Variants in CNTN4 observed in about 807,000 individuals in gnomAD.
CNTN4 encodes the protein contactin-4.
Under a neutral mutation model 122.5 loss-of-function variants are expected in CNTN4, and 77 were observed. That is an observed-to-expected ratio of 0.63 (90% CI 0.52 to 0.76). The LOEUF is 0.76. Ranked by LOEUF, CNTN4 falls within the 30% of genes least tolerant of loss-of-function variation. The pLI is 0.00. For missense variants in CNTN4, 1,256 were observed against 1,259.1 expected (o/e 1.00, Z 0.04); for synonymous variants, 512 against 447.0 (o/e 1.15, Z -1.83).
chr3:2,102,345 A>G (rs1373273125), intron 2 of CNTN4, among the ~76,000 whole-genome samples: 3 of 152,274 alleles, frequency 2.0e-5, no homozygotes, highest in Non-Finnish European at 4.4e-5. Context: ...TGTGAGCCTT[A>G]GTTTCTTTAG....
At chr3:2,179,766 C>A (rs905895693) in intron 2 of CNTN4, among the ~76,000 whole-genome samples, 1 of 151,866 alleles carries the variant, frequency 6.6e-6, no homozygotes, top group Non-Finnish European at 1.5e-5. Flanking sequence ...AAGAGCAACT[C>A]TATATACTAG....
chr3:2,998,913 A>G (rs1300253386), intron 14 of CNTN4: 1 of 152,238 alleles, frequency 6.6e-6, no homozygotes, highest in African/African-American at 2.4e-5. Context: ...GAGACATTAG[A>G]ATGAAAAGTA....
chr3:2,988,644 A>G (rs1694799451), intron 14 of CNTN4, 172 bp downstream of exon 14: 2 of 692,990 alleles, frequency 2.9e-6, no homozygotes, highest in Non-Finnish European at 5.0e-6. Context: ...AACTGCTGGT[A>G]ATGAATATGA....
chr3:2,482,976 T>C (rs1013714911), intron 3 of CNTN4, among the ~76,000 whole-genome samples: 2 of 152,104 alleles, frequency 1.3e-5, no homozygotes, highest in African/African-American at 4.8e-5. Context: ...CTAGTGGAGC[T>C]ATGAGAAGAA....
intron 8 of CNTN4, among the ~76,000 whole-genome samples, chr3:2,878,676 TA>T (rs2093874138): frequency 6.6e-6 from 1 of 151,970 alleles, no homozygotes; most frequent in Non-Finnish European, 1.5e-5. Context: ...AGTTTATATG[TA>T]AAATGTTTTA....
At chr3:2,200,049 A>C (rs1443387827) in intron 2 of CNTN4, among the ~76,000 whole-genome samples, 3 of 152,192 alleles carry the variant, frequency 2.0e-5, no homozygotes, top group Non-Finnish European at 2.9e-5. Context: ...TTTAAGCTGC[A>C]CAAGGTTATG....
intron 2 of CNTN4, among the ~76,000 whole-genome samples, chr3:2,197,801 A>AG (rs2037916456): frequency 6.6e-6 from 1 of 152,152 alleles, no homozygotes; most frequent in Non-Finnish European, 1.5e-5. Flanking sequence ...GGATCACTTG[A>AG]GGTCAGGAGT....
At chr3:2,584,194 A>G (rs1301390829) in intron 4 of CNTN4, among the ~76,000 whole-genome samples, 12 of 152,190 alleles carry the variant, frequency 7.9e-5, no homozygotes, top group Non-Finnish European at 1.6e-4. Flanking sequence ...CTGAGCTCCA[A>G]TGCAAGTAAA....
At chr3:2,825,698 C>A (rs1174432938) in intron 7 of CNTN4, among the ~76,000 whole-genome samples, 3 of 152,066 alleles carry the variant, frequency 2.0e-5, no homozygotes, top group African/African-American at 7.2e-5. Context: ...TAAAAGCAAA[C>A]AAACAGACAA....
intron 2 of CNTN4, among the ~76,000 whole-genome samples, chr3:2,142,620 G>A (rs1371030413): frequency 6.6e-6 from 1 of 152,184 alleles, no homozygotes; most frequent in Non-Finnish European, 1.5e-5. Flanking sequence ...TGGGATTAGA[G>A]GCGCAAGCCA....
At chr3:2,772,669 G>C (rs1576733039) in intron 6 of CNTN4, among the ~76,000 whole-genome samples, 1 of 152,178 alleles carries the variant, frequency 6.6e-6, no homozygotes, top group East Asian at 1.9e-4. Flanking sequence ...AGGAAAACTA[G>C]AATGTAAAGT....
rs142399788 is a variant in CNTN4, at chr3:2,818,372, T to C, written c.359-1114T>C. Among the ~76,000 whole-genome samples the C allele has an allele frequency of 3.7e-4, 57 of 152,298 alleles. No homozygotes were observed. The East Asian group carries it at 8.5e-3, about 23-fold the overall frequency. On this transcript the variant is annotated intron_variant, in intron 6 of 24. Coordinates refer to ENST00000418658, the MANE Select transcript of CNTN4 (RefSeq NM_175607.3). ...TTGTAACTGCAGCCTTCCCAATTGTTGTTAGGAGTACATGAGATAATCATC... is the reference window on the plus strand; with the variant it reads ...TTGTAACTGCAGCCTTCCCAATTGTCGTTAGGAGTACATGAGATAATCATC...
chr3:2,478,875 A>G (rs1357782369), intron 3 of CNTN4, among the ~76,000 whole-genome samples: 1 of 152,138 alleles, frequency 6.6e-6, no homozygotes, highest in Non-Finnish European at 1.5e-5. Context: ...GCTATTGTGA[A>G]TAGTGCTGCA....
In CNTN4 at chr3:2,498,982, G is replaced by A. The variant is rs181723958; in HGVS notation, c.-88-72434G>A. 1.5e-4 allele frequency among the ~76,000 whole-genome samples: 23 copies of A among 152,186 alleles called. No individual in the cohort carries two copies. The East Asian group carries it at 3.5e-3, about 23-fold the overall frequency. On this transcript the variant is annotated intron_variant, in intron 3 of 24. Coordinates refer to ENST00000418658, the MANE Select transcript of CNTN4 (RefSeq NM_175607.3). ...TTTTTGTATTTTTAGTAGAGATAGG[G>A]TTTCAACATGTTGGCCAGGCTGATC...
At chr3:2,612,884 C>T (rs2081559862) in intron 4 of CNTN4, among the ~76,000 whole-genome samples, 1 of 152,134 alleles carries the variant, frequency 6.6e-6, no homozygotes, top group Non-Finnish European at 1.5e-5. Flanking sequence ...TGTTTCACCC[C>T]AAGAGTGTTA....
At chr3:2,997,936 G>A (rs769183968) in intron 14 of CNTN4, among the ~76,000 whole-genome samples, 1 of 152,174 alleles carries the variant, frequency 6.6e-6, no homozygotes, top group Non-Finnish European at 1.5e-5. Flanking sequence ...CATACCAACT[G>A]TCATCTTATT....
At chr3:2,681,254 A>G (rs2085149686) in intron 4 of CNTN4, among the ~76,000 whole-genome samples, 1 of 147,700 alleles carries the variant, frequency 6.8e-6, no homozygotes, top group African/African-American at 2.7e-5. Context: ...ACAGATTGCC[A>G]AAACATGGCA....
At chr3:2,677,333 T>C (rs572257572) in intron 4 of CNTN4, among the ~76,000 whole-genome samples, 5 of 149,984 alleles carry the variant, frequency 3.3e-5, no homozygotes, top group African/African-American at 1.2e-4. Context: ...ATTGAGATTT[T>C]TTTTTTTTGT....
intron 2 of CNTN4, among the ~76,000 whole-genome samples, chr3:2,229,947 G>C (rs896089263): frequency 4.6e-5 from 7 of 152,166 alleles, no homozygotes; most frequent in African/African-American, 1.7e-4. Context: ...GAATGCATGA[G>C]AATGTGAGGG....
Sources: allele counts gnomAD v4.1 joint callset (sites outside exome capture counted in the v4.1 genomes callset), GRCh38; gene constraint gnomAD v4.1.1; transcripts MANE v1.5; gene names NCBI Gene and HGNC (gene_info 2026-07-23, HGNC 2026-07-21).